Variants in ADGRB1 observed in about 807,000 individuals in gnomAD.
ADGRB1 encodes the protein brain-specific angiogenesis inhibitor 1.
Under a neutral mutation model 175.7 loss-of-function variants are expected in ADGRB1, and 36 were observed. The observed-to-expected ratio is 0.20, with a 90% confidence interval of 0.16 to 0.27. The LOEUF (loss-of-function observed/expected upper bound fraction) is 0.27. ADGRB1 is among the 10% of genes least tolerant of loss of function. ADGRB1 has a pLI of 1.00. For synonymous variants in ADGRB1, 1,054 were observed against 979.4 expected, an observed-to-expected ratio of 1.08 and a Z score of -1.42; for missense variants, 1,731 against 2,255.3, an observed-to-expected ratio of 0.77 and a Z score of 4.71.
chr8:142,531,382 T>C (rs1380467965), intron 24 of ADGRB1, among the ~76,000 whole-genome samples: 1 of 152,214 alleles, frequency 6.6e-6, no homozygotes, highest in Admixed American at 6.5e-5. Context: ...TGTCCGCTGC[T>C]GCAGCCTGGA....
intron 25 of ADGRB1, among the ~76,000 whole-genome samples, chr8:142,534,938 G>T (rs909676330): frequency 1.8e-4 from 27 of 152,304 alleles, no homozygotes; most frequent in African/African-American, 6.5e-4. Flanking sequence ...CTCGTCACAG[G>T]AGCTCATCAC....
At chr8:142,531,198 G>A (rs2132211378) in intron 24 of ADGRB1, among the ~76,000 whole-genome samples, 1 of 152,380 alleles carries the variant, frequency 6.6e-6, no homozygotes, top group South Asian at 2.1e-4. Flanking sequence ...AGCTTTGGAA[G>A]GGAGAAGAGA....
intron 24 of ADGRB1, among the ~76,000 whole-genome samples, chr8:142,530,175 A>G (rs1296836892): frequency 2.0e-5 from 3 of 151,808 alleles, no homozygotes; most frequent in African/African-American, 7.3e-5. Context: ...GTGTGTGTGT[A>G]TGAGCGTGTG....
At chr8:142,469,207 ATG>A (rs1197971939) in intron 2 of ADGRB1, among the ~76,000 whole-genome samples, 50 of 147,126 alleles carry the variant, frequency 3.4e-4, no homozygotes, top group South Asian at 4.4e-4. Context: ...GCATGTGTGA[ATG>A]TGTGTGCATA....
rs1414051341 is a variant in ADGRB1 at position 142,493,501 on chromosome 8, C to T, written c.2675+2686C>T. On this transcript the variant is annotated intron_variant, in intron 17 of 30. Coordinates refer to ENST00000517894, the MANE Select transcript of ADGRB1 (RefSeq NM_001702.3). This position sits in a 1 kb window ranked among gnomAD's most constrained non-coding sequence, Gnocchi z 5.0. ...CACCCACCCCGTCACCGGCTGGGTG[C>T]GCTGAGTGCTAAGGTCTTGGTGCCT... Among the ~76,000 whole-genome samples the T allele has an allele frequency of 6.6e-6, 1 of 152,218 alleles. No homozygotes were observed. Among genetic ancestry groups the T allele is most frequent in the African/African-American group, 2.4e-5 (1 of 41,466 alleles).
intron 9 of ADGRB1, among the ~76,000 whole-genome samples, chr8:142,480,152 A>T (rs890492508): frequency 1.2e-4 from 18 of 152,202 alleles, no homozygotes; most frequent in Middle Eastern, 3.2e-3. Context: ...TCTCTGTTGA[A>T]TGCCAGCCTC....
chr8:142,489,202 G>T (rs891044222), intron 15 of ADGRB1, 92 bp downstream of exon 15: 2 of 1,543,822 alleles, frequency 1.3e-6, no homozygotes, highest in African/African-American at 2.7e-5. Flanking sequence ...AGGCCAGGGG[G>T]CCTGGAGGAG....
At chr8:142,458,936 A>G (rs1279301184) in intron 1 of ADGRB1, among the ~76,000 whole-genome samples, 1 of 152,228 alleles carries the variant, frequency 6.6e-6, no homozygotes, top group East Asian at 1.9e-4. Context: ...GGACCAAGAC[A>G]ATCGCCCACT....
intron 17 of ADGRB1, among the ~76,000 whole-genome samples, chr8:142,502,725 AGTG>A (rs1305988645): frequency 2.0e-5 from 3 of 149,016 alleles, no homozygotes; most frequent in East Asian, 4.0e-4. Flanking sequence ...TGGGGTTGGT[AGTG>A]GTGGTGGTTG....
Position 142,544,328 on chromosome 8 carries a change from C to T in ADGRB1, c.4666C>T (p.Leu1556=). 1 of 1,548,704 alleles carries T rather than the reference C, an allele frequency of 6.5e-7. No homozygotes were observed. The highest frequency in any genetic ancestry group is 8.7e-7 in the Non-Finnish European group (1 of 1,146,250). ...KELEPLQPSP[L]ELRSVEWERS... is the part of the protein sequence containing the mutation. ...GCTGGAGCCGCTGCAGCCGTCGCCG[C>T]TGGAGCTTCGCAGCGTGGAGTGGGA... Residue 1556 remains leucine (L), a synonymous_variant, in exon 31 of 31, where the codon CTG becomes TTG. Transcript: ENST00000517894.
intron 1 of ADGRB1, among the ~76,000 whole-genome samples, chr8:142,454,355 A>G (rs1188092218): frequency 6.6e-6 from 1 of 152,164 alleles, no homozygotes; most frequent in Non-Finnish European, 1.5e-5. Flanking sequence ...GAAACACGGA[A>G]CACCAGGGTG....
intron 25 of ADGRB1, among the ~76,000 whole-genome samples, chr8:142,534,522 G>C (rs940032105): frequency 6.6e-6 from 1 of 152,202 alleles, no homozygotes; most frequent in Non-Finnish European, 1.5e-5. Flanking sequence ...CCTCTGCGGG[G>C]AGGTGTGAAC....
At chr8:142,466,668 G>A (rs991821253) in intron 2 of ADGRB1, among the ~76,000 whole-genome samples, 9 of 152,238 alleles carry the variant, frequency 5.9e-5, no homozygotes, top group Admixed American at 2.6e-4. Context: ...TGGTGAGGGC[G>A]GCTTCTGTGG....
intron 1 of ADGRB1, among the ~76,000 whole-genome samples, chr8:142,459,374 A>G (rs1000989950): frequency 3.9e-5 from 6 of 152,102 alleles, no homozygotes; most frequent in African/African-American, 1.4e-4. Context: ...GAGGAGGGTG[A>G]GCCAGCCCAG....
At position 142,474,982 on chromosome 8, in the gene ADGRB1, G is replaced by A. The variant is rs1027619249; in HGVS notation, c.785-492G>A. Among the ~76,000 whole-genome samples the A allele has an allele frequency of 2.0e-5, 3 of 152,146 alleles. No homozygotes were observed. The highest frequency in any genetic ancestry group is 4.4e-5 in the Non-Finnish European group (3 of 68,014). On this transcript the variant is annotated intron_variant, in intron 2 of 30. Transcript: ENST00000517894. This position sits in a 1 kb window ranked among gnomAD's most constrained non-coding sequence, Gnocchi z 5.8. Reference sequence around the variant, plus strand: ...AAGAAGCGGCTCCAGGTCACAGCTGGGGTGTGAAATGTGGAGCCCTGGTGA... The same window carrying A: ...AAGAAGCGGCTCCAGGTCACAGCTGAGGTGTGAAATGTGGAGCCCTGGTGA...
In ADGRB1 at chr8:142,524,317, C is replaced by T; in HGVS notation, c.3312+13C>T. ...TGCCGTTGTGCTGGTACTGACCCGCCCAGGCCCCACTCCCCACGACCCCAC... is the reference window on the plus strand; with the variant it reads ...TGCCGTTGTGCTGGTACTGACCCGCTCAGGCCCCACTCCCCACGACCCCAC... On this transcript the variant is annotated intron_variant, in intron 23 of 30. Transcript: ENST00000517894. 1.3e-6 allele frequency: 2 copies of T among 1,583,314 alleles called. No individual in the cohort carries two copies. Among genetic ancestry groups the T allele is most frequent in the Non-Finnish European group, 1.7e-6 (2 of 1,170,900 alleles).
Position 142,504,270 on chromosome 8 carries a change from G to A in ADGRB1, c.2676-6662G>A, listed in dbSNP as rs926907719. On this transcript the variant is annotated intron_variant, in intron 17 of 30. Coordinates refer to ENST00000517894, the MANE Select transcript of ADGRB1 (RefSeq NM_001702.3). This position sits in a 1 kb window ranked among gnomAD's most constrained non-coding sequence, Gnocchi z 5.6. ...AAGGAGGCTTCTTAGGGGAGGCAGT[G>A]GCTCCAGGAGCCCTGGAGGGGGAGG... is the stretch of plus-strand genomic sequence containing the variant. Among the ~76,000 whole-genome samples, 2 of 151,904 alleles carry A rather than the reference G, an allele frequency of 1.3e-5. No homozygotes were observed. The highest frequency in any genetic ancestry group is 4.8e-5 in the African/African-American group (2 of 41,388).
chr8:142,526,015 G>A (rs903446019), intron 23 of ADGRB1, among the ~76,000 whole-genome samples: 8 of 152,208 alleles, frequency 5.3e-5, no homozygotes, highest in South Asian at 4.1e-4. Context: ...CTGGACAGTG[G>A]CAGGCATGGG....
chr8:142,529,271 AGT>A (rs1844439821), intron 24 of ADGRB1, among the ~76,000 whole-genome samples: 1 of 151,508 alleles, frequency 6.6e-6, no homozygotes, highest in South Asian at 2.1e-4. Flanking sequence ...TGTGTGTATG[AGT>A]GTGCATATGT....
Sources: allele counts gnomAD v4.1 joint callset (sites outside exome capture counted in the v4.1 genomes callset), GRCh38; gene constraint gnomAD v4.1.1; non-coding constraint Gnocchi (gnomAD v3.1); transcripts MANE v1.5; gene names NCBI Gene and HGNC (gene_info 2026-07-23, HGNC 2026-07-21).